GNAL: variants seen among roughly 807,000 people sequenced by gnomAD.
The protein encoded by GNAL is guanine nucleotide-binding protein G(olf) subunit alpha.
A neutral mutation model predicts 55.1 loss-of-function variants in GNAL; 18 were observed. The ratio of observed to expected loss-of-function variants is 0.33; its 90% CI spans 0.23 to 0.48. The LOEUF (loss-of-function observed/expected upper bound fraction) is 0.48, where lower values mean the gene tolerates loss of function less well. Among genes scored for constraint, GNAL ranks in the 20% least tolerant of loss-of-function variants. The pLI is 0.99. For missense variants in GNAL, 412 were observed against 614.1 expected, an observed-to-expected ratio of 0.67 and a Z score of 3.48; for synonymous variants, 253 against 237.0, an observed-to-expected ratio of 1.07 and a Z score of -0.62.
At chr18:11,697,760 G>A (rs537354273) in intron 1 of GNAL, among the ~76,000 whole-genome samples, 101 of 141,056 alleles carry the variant, frequency 7.2e-4, no homozygotes, top group African/African-American at 3.0e-3. Context: ...GACATTCTCC[G>A]AGTAAGGAAT....
rs569045066 is a variant in GNAL at position 11,881,749 on chromosome 18, T to C, written c.*614T>C. 1.6e-4 allele frequency: 24 copies of C among 152,766 alleles called. No individual in the cohort carries two copies. The highest frequency in any genetic ancestry group is 5.5e-4 in the African/African-American group (23 of 41,592). 9.5% of individuals were successfully genotyped at this position (152,766 alleles called of 1,614,324 possible). A position where few individuals can be genotyped will look rare whatever the true frequency, so the allele number is the denominator to read the frequency against. On this transcript the variant is annotated 3_prime_UTR_variant, in exon 12 of 12. Transcript: ENST00000334049. This position sits in a 1 kb window ranked among gnomAD's most constrained non-coding sequence, Gnocchi z 4.8. ...CTACCACATTCACTACTGCAAAATGTGTCCTGTCTAAAAATGATTCTCTAA... is the reference window on the plus strand; with the variant it reads ...CTACCACATTCACTACTGCAAAATGCGTCCTGTCTAAAAATGATTCTCTAA...
chr18:11,760,425 GGTGT>G (rs2033203474), intron 4 of GNAL, among the ~76,000 whole-genome samples: 1 of 152,176 alleles, frequency 6.6e-6, no homozygotes, highest in African/African-American at 2.4e-5. Context: ...CATTTGAGCT[GGTGT>G]AAAAAGGGCA....
In GNAL at chr18:11,851,773, G is replaced by A. The variant is rs529426406; in HGVS notation, c.723-10622G>A. On this transcript the variant is annotated intron_variant, in intron 5 of 11. Coordinates refer to ENST00000334049, the MANE Select transcript of GNAL (RefSeq NM_182978.4). Reference sequence around the variant, plus strand: ...CCAGACGGCGGTGACGATGGGCAAGGTGACCAAGTCGATGGCTGGTGTGGT... The same window carrying A: ...CCAGACGGCGGTGACGATGGGCAAGATGACCAAGTCGATGGCTGGTGTGGT... 1.2e-5 allele frequency: 19 copies of A among 1,614,010 alleles called. No individual in the cohort carries two copies. The South Asian group carries it at 2.1e-4, about 18-fold the overall frequency.
At chr18:11,712,374 T>A (rs2031859199) in intron 1 of GNAL, among the ~76,000 whole-genome samples, 1 of 152,218 alleles carries the variant, frequency 6.6e-6, no homozygotes, top group Non-Finnish European at 1.5e-5. Flanking sequence ...TTTACCTCTT[T>A]TAATGCAACT....
intron 5 of GNAL, among the ~76,000 whole-genome samples, chr18:11,836,859 CT>C (rs1186596967): frequency 1.3e-5 from 2 of 152,210 alleles, no homozygotes; most frequent in Admixed American, 1.3e-4. Flanking sequence ...AGGAGATTGC[CT>C]CAGGGACATC....
chr18:11,754,234 G>A (rs1230594868), intron 4 of GNAL, among the ~76,000 whole-genome samples: 2 of 152,148 alleles, frequency 1.3e-5, no homozygotes, highest in East Asian at 3.9e-4. Flanking sequence ...GTCCAACATG[G>A]TAAAACCCCA....
At chr18:11,859,241 T>C (rs1047869545) in intron 5 of GNAL, among the ~76,000 whole-genome samples, 2 of 152,206 alleles carry the variant, frequency 1.3e-5, no homozygotes, top group Non-Finnish European at 2.9e-5. Flanking sequence ...TGATTACAAC[T>C]GTTGTAGCCT....
At chr18:11,790,681 C>G (rs2034209743) in intron 4 of GNAL, among the ~76,000 whole-genome samples, 1 of 99,854 alleles carries the variant, frequency 1.0e-5, no homozygotes, top group Non-Finnish European at 1.9e-5. Context: ...TTTTTTGAGA[C>G]AGTCTTGCTC....
At chr18:11,850,405 C>CA (rs1297267434) in intron 5 of GNAL, among the ~76,000 whole-genome samples, 1 of 152,196 alleles carries the variant, frequency 6.6e-6, no homozygotes, top group Non-Finnish European at 1.5e-5. Flanking sequence ...AATTCGCTCT[C>CA]AGAGTTCATT....
intron 5 of GNAL, chr18:11,852,255 A>C: frequency 1.0e-6 from 1 of 957,950 alleles, no homozygotes. Context: ...AGCCCCCTCC[A>C]CATAAATTAA....
intron 9 of GNAL, among the ~76,000 whole-genome samples, chr18:11,872,000 C>T (rs1301148992): frequency 6.6e-6 from 1 of 152,212 alleles, no homozygotes; most frequent in Non-Finnish European, 1.5e-5. Flanking sequence ...ACAAGCATTT[C>T]CTTCGAGCAT....
At chr18:11,822,385 G>A (rs1598407252) in intron 4 of GNAL, among the ~76,000 whole-genome samples, 1 of 152,214 alleles carries the variant, frequency 6.6e-6, no homozygotes, top group African/African-American at 2.4e-5. Context: ...GCAGAGGATC[G>A]CTTGAGCCTA....
At chr18:11,790,651 C>CTTTTCTT (rs2034204062) in intron 4 of GNAL, among the ~76,000 whole-genome samples, 3 of 83,356 alleles carry the variant, frequency 3.6e-5, no homozygotes, top group African/African-American at 1.6e-4. Context: ...CTTTTCTTTT[C>CTTTTCTT]TTTTTTTTTC....
intron 5 of GNAL, among the ~76,000 whole-genome samples, chr18:11,839,419 G>A (rs540087938): frequency 2.0e-5 from 3 of 151,722 alleles, no homozygotes; most frequent in Admixed American, 1.3e-4. Flanking sequence ...GGGCCATGGT[G>A]GTGTGCACCT....
At chr18:11,795,268 G>A (rs949119538) in intron 4 of GNAL, among the ~76,000 whole-genome samples, 3 of 151,934 alleles carry the variant, frequency 2.0e-5, no homozygotes, top group Non-Finnish European at 4.4e-5. Context: ...AGGCATGATA[G>A]CATGCACCTG....
intron 4 of GNAL, among the ~76,000 whole-genome samples, chr18:11,797,568 G>GC (rs2034422150): frequency 6.6e-6 from 1 of 151,974 alleles, no homozygotes; most frequent in Non-Finnish European, 1.5e-5. Context: ...ACATGTCAAA[G>GC]CCCCACCTCT....
intron 6 of GNAL, 36 bp from the exon 7 acceptor site, chr18:11,864,497 A>T: frequency 9.5e-7 from 1 of 1,051,932 alleles, no homozygotes; most frequent in Non-Finnish European, 1.5e-6. Context: ...AAGAACAGTA[A>T]TGTAACTCAG....
intron 4 of GNAL, among the ~76,000 whole-genome samples, chr18:11,807,360 T>C (rs2034692330): frequency 6.6e-6 from 1 of 152,070 alleles, no homozygotes; most frequent in Non-Finnish European, 1.5e-5. Context: ...ACAGACCAGA[T>C]AGGAGGCTGT....
At chr18:11,691,627 T>G in intron 1 of GNAL, among the ~76,000 whole-genome samples, 2 of 151,402 alleles carry the variant, frequency 1.3e-5, no homozygotes, top group African/African-American at 4.9e-5. Context: ...CATCTTGAAT[T>G]AATTTTTGTA....
Sources: gnomAD v4.1 joint callset for allele counts (sites outside exome capture counted in the v4.1 genomes callset) on GRCh38, gnomAD v4.1.1 for gene constraint, Gnocchi (gnomAD v3.1) non-coding constraint, MANE v1.5 for transcripts, NCBI Gene and HGNC (gene_info 2026-07-23, HGNC 2026-07-21) for gene names.